The following SPECC1 variants were observed in gnomAD, a reference collection of about 807,000 sequenced individuals.
SPECC1 encodes cytospin-B.
In SPECC1, 62 loss-of-function variants were observed where a neutral mutation model predicts 104.1. The ratio of observed to expected loss-of-function variants is 0.60; its 90% CI spans 0.49 to 0.74. The LOEUF (loss-of-function observed/expected upper bound fraction) is 0.74. Ranked by LOEUF, SPECC1 falls within the 30% of genes least tolerant of loss-of-function variation. SPECC1 has a pLI of 0.00. For synonymous variants in SPECC1, 513 were observed against 501.6 expected, an observed-to-expected ratio of 1.02 and a Z score of -0.30; for missense variants, 1,306 against 1,310.5, an observed-to-expected ratio of 1.00 and a Z score of 0.05.
intron 3 of SPECC1, among the ~76,000 whole-genome samples, chr17:20,196,153 C>A (rs549217392): frequency 3.3e-5 from 5 of 152,190 alleles, no homozygotes; most frequent in African/African-American, 4.8e-5. Context: ...AGGCAAAAAA[C>A]CCATATTCCC....
chr17:20,150,155 T>G (rs1182607777), intron 3 of SPECC1, among the ~76,000 whole-genome samples: 1 of 151,762 alleles, frequency 6.6e-6, no homozygotes, highest in Admixed American at 6.6e-5. Flanking sequence ...TTGTATTTTT[T>G]TTTTAGTATA....
At chr17:20,042,968 G>C (rs2045393178) in intron 1 of SPECC1, among the ~76,000 whole-genome samples, 1 of 152,168 alleles carries the variant, frequency 6.6e-6, no homozygotes, top group South Asian at 2.1e-4. Flanking sequence ...GGAAAAGTAT[G>C]TCTGCTCTGT....
chr17:20,105,752 C>T (rs757983716), intron 2 of SPECC1, among the ~76,000 whole-genome samples: 37 of 152,342 alleles, frequency 2.4e-4, no homozygotes, highest in African/African-American at 7.7e-4. Context: ...CCACTGCTTG[C>T]GCACTGCTGT....
At chr17:20,261,358 C>T (rs376865759) in intron 12 of SPECC1, among the ~76,000 whole-genome samples, 28 of 151,990 alleles carry the variant, frequency 1.8e-4, no homozygotes, top group Middle Eastern at 6.8e-3. Context: ...AAAAATTAGC[C>T]GGGCGTGGTG....
chr17:20,119,380 G>T (rs906520699), intron 3 of SPECC1, among the ~76,000 whole-genome samples: 1 of 152,166 alleles, frequency 6.6e-6, no homozygotes, highest in Non-Finnish European at 1.5e-5. Flanking sequence ...TTACAGGCTT[G>T]CGCCACCACG....
chr17:20,213,888 T>A (rs80129288), intron 4 of SPECC1, among the ~76,000 whole-genome samples: 7 of 144,336 alleles, frequency 4.8e-5, no homozygotes, highest in East Asian at 4.2e-4. Flanking sequence ...TTTTTTTTTT[T>A]AAATAGCAGC....
At chr17:20,078,849 A>C (rs925540587) in intron 1 of SPECC1, among the ~76,000 whole-genome samples, 1 of 152,204 alleles carries the variant, frequency 6.6e-6, no homozygotes, top group Non-Finnish European at 1.5e-5. Context: ...TGGAGAGAGA[A>C]GTAGACTAAG....
chr17:20,140,853 G>A (rs924257937), intron 3 of SPECC1, among the ~76,000 whole-genome samples: 5 of 152,194 alleles, frequency 3.3e-5, no homozygotes, highest in Non-Finnish European at 7.3e-5. Flanking sequence ...TTCTCTGCTC[G>A]AAAACCTTCA....
rs554877046 is a variant in SPECC1, at chr17:20,095,117, T to C, written c.-21-1514T>C. ...AGGAGGTCCTCATGAAATTAGTTAC[T>C]GTATAGGTCTCAACCTATGCATTCT... On this transcript the variant is annotated intron_variant, in intron 1 of 14. Coordinates refer to ENST00000395527, the MANE Select transcript of SPECC1 (RefSeq NM_001243439.2). 2.0e-5 allele frequency among the ~76,000 whole-genome samples: 3 copies of C among 152,332 alleles called. No homozygotes were observed. In the East Asian group the frequency reaches 5.8e-4, roughly 29 times the overall value.
chr17:20,217,757 A>T (rs1006227848), intron 4 of SPECC1, among the ~76,000 whole-genome samples: 13 of 151,786 alleles, frequency 8.6e-5, no homozygotes, highest in African/African-American at 3.1e-4. Flanking sequence ...TTCTCCTTAA[A>T]TTCATCTTCT....
intron 1 of SPECC1, among the ~76,000 whole-genome samples, chr17:20,063,326 T>C (rs573219825): frequency 6.6e-6 from 1 of 152,350 alleles, no homozygotes; most frequent in African/African-American, 2.4e-5. Flanking sequence ...ATTCTATGTT[T>C]TCCTAGAAAA....
chr17:20,283,900 G>A (rs2151681213), intron 12 of SPECC1, among the ~76,000 whole-genome samples: 1 of 152,156 alleles, frequency 6.6e-6, no homozygotes, highest in South Asian at 2.1e-4. Flanking sequence ...CTTTCTTATT[G>A]ATTACAGGAA....
intron 1 of SPECC1, among the ~76,000 whole-genome samples, chr17:20,086,012 G>A (rs2047163506): frequency 6.6e-6 from 1 of 152,230 alleles, no homozygotes; most frequent in African/African-American, 2.4e-5. Flanking sequence ...TGAAGCAAAT[G>A]AATAGGCCTA....
In SPECC1 at chr17:20,246,062, G is replaced by A. The variant is rs761447053; in HGVS notation, c.2488G>A (p.Gly830Arg). 1.7e-5 allele frequency: 28 copies of A among 1,613,886 alleles called. No individual in the cohort carries two copies. Among genetic ancestry groups the A allele is most frequent in the Non-Finnish European group, 2.4e-5 (28 of 1,179,924 alleles). ...VKSLIKSFDL[G>R]RPGGAGQNIS... ...GTCACTTATCAAGTCATTTGACTTG[G>A]GACGCCCAGGTATTTAATCATTTTT... The change falls in exon 8 of 15, where the codon GGA (glycine) becomes AGA (arginine). Residue 830 changes from glycine to arginine, a missense_variant. Transcript: ENST00000395527.
intron 14 of SPECC1, among the ~76,000 whole-genome samples, chr17:20,306,825 CTAAAAAG>C (rs1317877524): frequency 1.3e-5 from 2 of 152,134 alleles, no homozygotes; most frequent in Admixed American, 6.5e-5. Flanking sequence ...ACAATGGCTG[CTAAAAAG>C]TAACAGAACA....
chr17:20,133,340 G>A (rs775556794), intron 3 of SPECC1, among the ~76,000 whole-genome samples: 5 of 151,610 alleles, frequency 3.3e-5, no homozygotes, highest in African/African-American at 7.3e-5. Context: ...ACAAATACAC[G>A]TACCTAGGAC....
At position 20,048,258 on chromosome 17, in the gene SPECC1, C is replaced by T. The variant is rs572228110; in HGVS notation, c.-22+38834C>T. 3.3e-3 allele frequency among the ~76,000 whole-genome samples: 504 copies of T among 151,960 alleles called. 3 individuals are homozygous for T. The highest frequency in any genetic ancestry group is 0.011 in the African/African-American group (473 of 41,456). ...ACGCCATTCTCCTGCCTCAGCTTCC[C>T]AAGTAGCTGGGACTACAGGCACCTG... On this transcript the variant is annotated intron_variant, in intron 1 of 14. Coordinates refer to ENST00000395527, the MANE Select transcript of SPECC1 (RefSeq NM_001243439.2).
At chr17:20,051,101 T>TTTCG (rs1567813434) in intron 1 of SPECC1, among the ~76,000 whole-genome samples, 4 of 122,840 alleles carry the variant, frequency 3.3e-5, no homozygotes, top group African/African-American at 1.3e-4. Flanking sequence ...TCTTTCTTTC[T>TTTCG]TTCTTTCTTT....
rs545867252 is a variant in SPECC1, at chr17:20,122,231, AC to A, written c.283+11670del. The stretch of plus-strand genomic sequence containing the variant: ...CAGGACTTTGGATTTTTTACTCTTG[AC>A]TCCACTGGGGAACTTTTGCAAGGTT... On this transcript the variant is annotated intron_variant, in intron 3 of 14. Coordinates refer to ENST00000395527, the MANE Select transcript of SPECC1 (RefSeq NM_001243439.2). Among the ~76,000 whole-genome samples the A allele has an allele frequency of 1.2e-4, 19 of 152,140 alleles. No homozygotes were observed. In the East Asian group the frequency reaches 3.5e-3, roughly 28 times the overall value.
Sources: gnomAD v4.1 joint callset for allele counts (sites outside exome capture counted in the v4.1 genomes callset) on GRCh38, gnomAD v4.1.1 for gene constraint, MANE v1.5 for transcripts, NCBI Gene and HGNC (gene_info 2026-07-23, HGNC 2026-07-21) for gene names.